Variants in DNAH9 observed in about 807,000 individuals in gnomAD.
DNAH9 encodes dynein axonemal heavy chain 9.
Under a neutral mutation model 471.6 loss-of-function variants are expected in DNAH9, and 345 were observed. The observed-to-expected ratio is 0.73, with a 90% CI of 0.67 to 0.80. The LOEUF (loss-of-function observed/expected upper bound fraction) is 0.80. Among genes scored for constraint, DNAH9 ranks in the 30% least tolerant of loss-of-function variants. The pLI is 0.00. For missense variants in DNAH9, 5,407 were observed against 5,609.2 expected (o/e 0.96, Z 1.15); for synonymous variants, 2,093 against 2,123.6 (o/e 0.99, Z 0.40).
Position 11,736,404 on chromosome 17 carries a change from C to G in DNAH9, c.5815-2476C>G, listed in dbSNP as rs553666253. 1.8e-4 allele frequency among the ~76,000 whole-genome samples: 27 copies of G among 152,248 alleles called. No individual in the cohort carries two copies. The South Asian group carries it at 3.3e-3, about 19-fold the overall frequency. ...GCCTTAGCTATCAGTTGCCAAACGA[C>G]CTGTGTGTGTACTTCCGTCTGGCTG... is the stretch of plus-strand genomic sequence containing the variant. On this transcript the variant is annotated intron_variant, in intron 28 of 68. Coordinates refer to ENST00000262442, the MANE Select transcript of DNAH9 (RefSeq NM_001372.4).
At chr17:11,672,503 A>G (rs1348604391) in intron 17 of DNAH9, among the ~76,000 whole-genome samples, 1 of 152,144 alleles carries the variant, frequency 6.6e-6, no homozygotes, top group Non-Finnish European at 1.5e-5. Flanking sequence ...CCATTTCACC[A>G]CCATCTTCCC....
At chr17:11,598,955 T>TGGG in intron 1 of DNAH9, 40 bp downstream of exon 1, 1 of 847,098 alleles carries the variant, frequency 1.2e-6, no homozygotes, top group Non-Finnish European at 1.4e-6. Context: ...TAAAGCTGGG[T>TGGG]GGGGGAGGGG....
Position 11,792,612 on chromosome 17 carries a change from G to A in DNAH9, c.8062-891G>A, listed in dbSNP as rs895852480. ...ATAAATATTTGAAACCAACCCTGTG[G>A]CACATAGGAAGGGGAACTGACTAGA... On this transcript the variant is annotated intron_variant, in intron 41 of 68. Transcript: ENST00000262442. 2.6e-5 allele frequency among the ~76,000 whole-genome samples: 4 copies of A among 152,308 alleles called. No individual in the cohort carries two copies. The East Asian group carries it at 7.7e-4, about 29-fold the overall frequency.
intron 50 of DNAH9, among the ~76,000 whole-genome samples, chr17:11,868,595 C>T (rs544412581): frequency 2.6e-5 from 4 of 152,108 alleles, no homozygotes; most frequent in Admixed American, 6.5e-5. Flanking sequence ...ACTTAGATTC[C>T]GGACAGCCCA....
chr17:11,622,342 T>G (rs1031896517), intron 6 of DNAH9, among the ~76,000 whole-genome samples: 44 of 152,180 alleles, frequency 2.9e-4, no homozygotes, highest in African/African-American at 1.0e-3. Flanking sequence ...AATAATTGAT[T>G]ATCTAGCTTT....
intron 28 of DNAH9, among the ~76,000 whole-genome samples, chr17:11,731,200 ATGGTGAGAATGATGGGGATGG>A (rs2075263014): frequency 6.6e-6 from 1 of 151,724 alleles, no homozygotes; most frequent in Non-Finnish European, 1.5e-5. Context: ...GGTGGTTATT[ATGGTGAGAATGATGGGGATGG>A]TGGTGGCAAT....
At chr17:11,622,096 A>C (rs1490936543) in intron 6 of DNAH9, among the ~76,000 whole-genome samples, 1 of 151,858 alleles carries the variant, frequency 6.6e-6, no homozygotes, top group African/African-American at 2.4e-5. Flanking sequence ...AAAAAAAAAA[A>C]AAAAGTGAGA....
intron 43 of DNAH9, among the ~76,000 whole-genome samples, chr17:11,798,664 C>T (rs1298728077): frequency 6.6e-6 from 1 of 152,032 alleles, no homozygotes; most frequent in East Asian, 1.9e-4. Flanking sequence ...GCTCACTGCC[C>T]TCCAAAATCC....
At chr17:11,608,039 A>G (rs1001550419) in intron 1 of DNAH9, 90 bp from the exon 2 acceptor site, 17 of 1,025,726 alleles carry the variant, frequency 1.7e-5, no homozygotes, top group Non-Finnish European at 2.3e-5. Context: ...AAGGTTGTAT[A>G]TAGCTTTATA....
intron 26 of DNAH9, among the ~76,000 whole-genome samples, chr17:11,712,207 A>G (rs2074879124): frequency 6.9e-6 from 1 of 144,948 alleles, no homozygotes; most frequent in African/African-American, 2.6e-5. Context: ...AATTTATATA[A>G]TTTTAAAAAC....
intron 27 of DNAH9, among the ~76,000 whole-genome samples, chr17:11,722,458 A>T (rs1260932422): frequency 6.6e-6 from 1 of 152,226 alleles, no homozygotes; most frequent in Non-Finnish European, 1.5e-5. Context: ...GGAATGAGGA[A>T]CCAGCTGATG....
At position 11,719,425 on chromosome 17, in the gene DNAH9, G is replaced by A. The variant is rs371105048; in HGVS notation, c.5644G>A (p.Asp1882Asn). 93 of 1,613,854 alleles carry A rather than the reference G, an allele frequency of 5.8e-5. No homozygotes were observed. The highest frequency in any genetic ancestry group is 7.6e-5 in the Non-Finnish European group (90 of 1,180,002). Reference sequence around the variant, plus strand: ...CACAGGCAAGACCGAGACCACCAAGGACCTGGGCCGCGCACTGGGCATCCT... The same window carrying A: ...CACAGGCAAGACCGAGACCACCAAGAACCTGGGCCGCGCACTGGGCATCCT... ...AGTGKTETTKDLGRALGILVY... is the reference protein window; with the variant it reads ...AGTGKTETTKNLGRALGILVY... Residue 1882 changes from aspartate to asparagine, a missense_variant, in exon 27 of 69, where the codon GAC becomes AAC. Transcript: ENST00000262442.
chr17:11,810,763 A>G (rs1025722267), intron 45 of DNAH9, among the ~76,000 whole-genome samples: 1 of 152,184 alleles, frequency 6.6e-6, no homozygotes, highest in African/African-American at 2.4e-5. Context: ...AGATACACAA[A>G]AAGAGAGCAT....
intron 50 of DNAH9, among the ~76,000 whole-genome samples, chr17:11,863,968 A>G (rs1269253329): frequency 6.6e-6 from 1 of 151,352 alleles, no homozygotes; most frequent in Non-Finnish European, 1.5e-5. Flanking sequence ...CTTTCAAAAA[A>G]CCAGCTCCTG....
At chr17:11,835,175 A>C (rs1970808606) in intron 49 of DNAH9, among the ~76,000 whole-genome samples, 1 of 152,162 alleles carries the variant, frequency 6.6e-6, no homozygotes, top group Non-Finnish European at 1.5e-5. Flanking sequence ...GAGAAAACCA[A>C]GGCCCAGGGA....
intron 44 of DNAH9, among the ~76,000 whole-genome samples, chr17:11,808,253 A>C (rs1441621949): frequency 6.6e-6 from 1 of 152,222 alleles, no homozygotes; most frequent in East Asian, 1.9e-4. Context: ...TAAGAAATTC[A>C]GATTTTAAAA....
At chr17:11,616,815 C>T (rs1002501565) in intron 4 of DNAH9, among the ~76,000 whole-genome samples, 13 of 152,168 alleles carry the variant, frequency 8.5e-5, no homozygotes, top group African/African-American at 3.1e-4. Context: ...GGGTGGGGAA[C>T]ATCACACATC....
chr17:11,761,644 A>G (rs999558449), intron 35 of DNAH9, among the ~76,000 whole-genome samples: 4 of 151,782 alleles, frequency 2.6e-5, no homozygotes, highest in Non-Finnish European at 5.9e-5. Context: ...ACTGGAGCAC[A>G]GGCTGCCCCT....
At chr17:11,762,387 G>A (rs1967717165) in intron 35 of DNAH9, among the ~76,000 whole-genome samples, 1 of 152,162 alleles carries the variant, frequency 6.6e-6, no homozygotes, top group Non-Finnish European at 1.5e-5. Flanking sequence ...TATACATGTG[G>A]TGTGATGAGG....
Sources: allele counts gnomAD v4.1 joint callset (sites outside exome capture counted in the v4.1 genomes callset), GRCh38; gene constraint gnomAD v4.1.1; transcripts MANE v1.5; gene names NCBI Gene and HGNC (gene_info 2026-07-23, HGNC 2026-07-21).